The following SERPINE2 variants were observed in gnomAD, a reference collection of about 807,000 sequenced individuals.
The protein encoded by SERPINE2 is glia-derived nexin.
In SERPINE2, 14 loss-of-function variants were observed where a neutral mutation model predicts 36.3. The ratio of observed to expected loss-of-function variants is 0.39; its 90% confidence interval spans 0.25 to 0.60. The LOEUF is 0.60. Ranked by LOEUF, SERPINE2 falls within the 20% of genes least tolerant of loss-of-function variation. SERPINE2 has a pLI of 0.57. For synonymous variants in SERPINE2, 192 were observed against 191.8 expected (o/e 1.00, Z -0.01); for missense variants, 418 against 499.6 (o/e 0.84, Z 1.56).
chr2:223,989,351 C>A (rs7608941), intron 4 of SERPINE2, among the ~76,000 whole-genome samples: 102,088 of 152,022 alleles, frequency 0.67, 35,144 homozygotes, highest in Non-Finnish European at 0.76. Context: ...CAAAGTGACC[C>A]AGAATAGTGA....
intron 2 of SERPINE2, among the ~76,000 whole-genome samples, chr2:223,999,973 T>C (rs1308407850): frequency 2.0e-5 from 3 of 152,158 alleles, no homozygotes; most frequent in African/African-American, 7.2e-5. Context: ...GTGAACAAAC[T>C]GCAAACTCGT....
intron 1 of SERPINE2, among the ~76,000 whole-genome samples, chr2:224,026,740 T>C (rs1471199131): frequency 6.6e-6 from 1 of 152,236 alleles, no homozygotes; most frequent in Non-Finnish European, 1.5e-5. Context: ...TCAGCTTATG[T>C]GCCTGGCCCA....
intron 1 of SERPINE2, among the ~76,000 whole-genome samples, chr2:224,011,328 T>A (rs1269752614): frequency 2.6e-5 from 4 of 152,210 alleles, no homozygotes; most frequent in African/African-American, 9.7e-5. Context: ...TGGAAGTACC[T>A]TTTTTAGACA....
chr2:224,018,666 G>A (rs1691882481), intron 1 of SERPINE2, among the ~76,000 whole-genome samples: 2 of 151,916 alleles, frequency 1.3e-5, no homozygotes, highest in Non-Finnish European at 2.9e-5. Flanking sequence ...AGAAAACCAG[G>A]ATGAGAAGAA....
chr2:224,029,398 T>C (rs1413326128), intron 1 of SERPINE2, among the ~76,000 whole-genome samples: 1 of 152,180 alleles, frequency 6.6e-6, no homozygotes, highest in African/African-American at 2.4e-5. Context: ...ATCCTATCAA[T>C]GGTAGCAGAA....
At chr2:224,026,572 G>C (rs1249645414) in intron 1 of SERPINE2, among the ~76,000 whole-genome samples, 2 of 152,104 alleles carry the variant, frequency 1.3e-5, no homozygotes, top group Non-Finnish European at 2.9e-5. Flanking sequence ...GATTTTGTAA[G>C]GACCCTACTA....
chr2:224,032,340 C>T lies in SERPINE2; in HGVS notation c.-23+6759G>A, dbSNP rs115000763. ...ACCTTCAAGATTTGGCCCATAAAAA[C>T]TTAGGATAAAAACAAGTGGTTATTT... On this transcript the variant is annotated intron_variant, in intron 1 of 8. Transcript: ENST00000409304. Among the ~76,000 whole-genome samples, 217 of 152,208 alleles carry T rather than the reference C, an allele frequency of 1.4e-3. 1 individual carries two copies. Among genetic ancestry groups the T allele is most frequent in the African/African-American group, 5.1e-3 (212 of 41,520 alleles).
intron 1 of SERPINE2, among the ~76,000 whole-genome samples, chr2:224,015,030 C>T (rs7560159): frequency 0.11 from 16,149 of 149,178 alleles, 1,027 homozygotes; most frequent in East Asian, 0.2. Flanking sequence ...AGGGTGGTGC[C>T]ATGGCATCTG....
At chr2:224,015,577 T>C (rs1559214778) in intron 1 of SERPINE2, among the ~76,000 whole-genome samples, 1 of 152,226 alleles carries the variant, frequency 6.6e-6, no homozygotes, top group Non-Finnish European at 1.5e-5. Flanking sequence ...TCTGTGTCCA[T>C]GACTCCAACA....
chr2:224,018,196 G>A (rs554715097), intron 1 of SERPINE2, among the ~76,000 whole-genome samples: 2 of 152,312 alleles, frequency 1.3e-5, no homozygotes, highest in African/African-American at 2.4e-5. Context: ...GGAAATGGGC[G>A]TCAGGCTCTG....
intron 1 of SERPINE2, among the ~76,000 whole-genome samples, chr2:224,032,833 T>C (rs1415080512): frequency 6.6e-6 from 1 of 152,132 alleles, no homozygotes; most frequent in Non-Finnish European, 1.5e-5. Context: ...AAATAGAGGA[T>C]TGCTTGGGCT....
In SERPINE2 at chr2:224,001,706, A is replaced by C; in HGVS notation, c.195T>G (p.Leu65=). 6.2e-7 allele frequency: 1 copy of C among 1,614,180 alleles called. No homozygotes were observed. Among genetic ancestry groups the C allele is most frequent in the Non-Finnish European group, 8.5e-7 (1 of 1,180,036 alleles). ...TGGTCCTGCCGTCCGCCCCCAGCTG[A>C]AGCATCCCCAGGACCGACGCAATCC... ...PHGIASVLGM[L]QLGADGRTKK... is the part of the protein sequence containing the mutation. The change falls in exon 2 of 9, where the codon CTT becomes CTG. Residue 65 remains leucine (L), a synonymous_variant. Coordinates refer to ENST00000409304, the MANE Select transcript of SERPINE2 (RefSeq NM_001136528.2).
In SERPINE2 at chr2:223,982,760, T is replaced by C. The variant is rs753063234; in HGVS notation, c.906A>G (p.Thr302=). ...ILPKFTAVAQ[T]DLKEPLKVLG... is the part of the protein sequence containing the mutation. ...GAACTTTCAGCGGCTCCTTCAAATC[T>C]GTTTGTGCTACAGCTGTGAACCTAG... The change falls in exon 6 of 9, where the codon ACA becomes ACG. Residue 302 remains threonine (T), a synonymous_variant. Coordinates refer to ENST00000409304, the MANE Select transcript of SERPINE2 (RefSeq NM_001136528.2). The C allele has an allele frequency of 1.2e-6, 2 of 1,613,746 alleles. No homozygotes were observed. The highest frequency in any genetic ancestry group is 2.2e-5 in the South Asian group (2 of 90,996).
chr2:224,010,220 TG>T, intron 1 of SERPINE2: 1 of 288,552 alleles, frequency 3.5e-6, no homozygotes, highest in African/African-American at 2.3e-5. Flanking sequence ...TTCAGGTTAG[TG>T]GAGAAAGACT....
chr2:224,031,460 T>C, intron 1 of SERPINE2: 1 of 985,528 alleles, frequency 1.0e-6, no homozygotes, highest in Non-Finnish European at 1.2e-6. Flanking sequence ...TCCACTCCCT[T>C]TCCTCCTAAC....
chr2:224,027,232 G>T (rs909361813), intron 1 of SERPINE2, among the ~76,000 whole-genome samples: 10 of 152,108 alleles, frequency 6.6e-5, no homozygotes, highest in Non-Finnish European at 1.0e-4. Flanking sequence ...CCCTAATCTC[G>T]CATAGGAGGA....
chr2:224,014,994 T>A (rs1691750537), intron 1 of SERPINE2, among the ~76,000 whole-genome samples: 1 of 151,780 alleles, frequency 6.6e-6, no homozygotes, highest in African/African-American at 2.4e-5. Context: ...TTTTTTTTGG[T>A]TTTCACCACT....
intron 1 of SERPINE2, among the ~76,000 whole-genome samples, chr2:224,021,444 GC>G (rs1369750335): frequency 6.6e-6 from 1 of 152,204 alleles, no homozygotes; most frequent in Non-Finnish European, 1.5e-5. Flanking sequence ...GGAAGACAGA[GC>G]CTGACCTTAA....
intron 8 of SERPINE2, among the ~76,000 whole-genome samples, chr2:223,976,651 A>C (rs1690022041): frequency 6.6e-6 from 1 of 152,260 alleles, no homozygotes; most frequent in African/African-American, 2.4e-5. Flanking sequence ...ACCAACAAGA[A>C]GCCAACCTCT....
Sources: allele counts gnomAD v4.1 joint callset (sites outside exome capture counted in the v4.1 genomes callset), GRCh38; gene constraint gnomAD v4.1.1; transcripts MANE v1.5; gene names NCBI Gene and HGNC (gene_info 2026-07-23, HGNC 2026-07-21).